FER: variants seen among roughly 807,000 people sequenced by gnomAD.
FER encodes the protein tyrosine-protein kinase Fer.
Under a neutral mutation model 111.0 loss-of-function variants are expected in FER, and 63 were observed. The observed-to-expected ratio is 0.57, with a 90% CI of 0.46 to 0.70. The LOEUF is 0.70. Among genes scored for constraint, FER ranks in the 30% least tolerant of loss-of-function variants. FER has a pLI of 0.00. For synonymous variants in FER, 327 were observed against 313.9 expected (o/e 1.04, Z -0.44); for missense variants, 914 against 954.0 (o/e 0.96, Z 0.55).
intron 10 of FER, among the ~76,000 whole-genome samples, chr5:108,942,652 A>C (rs1156838443): frequency 3.3e-5 from 5 of 152,192 alleles, no homozygotes; most frequent in Non-Finnish European, 5.9e-5. Flanking sequence ...TGTGCCCAGC[A>C]AATCAGCATT....
At chr5:108,850,067 C>T (rs374947082) in intron 5 of FER, among the ~76,000 whole-genome samples, 41 of 151,844 alleles carry the variant, frequency 2.7e-4, no homozygotes, top group African/African-American at 6.0e-4. Flanking sequence ...TGGTGGTGCG[C>T]GCCTGTAGTC....
chr5:108,896,229 G>T (rs545330749), intron 9 of FER, among the ~76,000 whole-genome samples: 1 of 151,772 alleles, frequency 6.6e-6, no homozygotes, highest in Non-Finnish European at 1.5e-5. Context: ...GTACATAATG[G>T]GTGCAGTCTT....
At chr5:108,982,994 A>G (rs1403112087) in intron 13 of FER, among the ~76,000 whole-genome samples, 1 of 152,104 alleles carries the variant, frequency 6.6e-6, no homozygotes, top group African/African-American at 2.4e-5. Flanking sequence ...TACTACTAAT[A>G]TACTAATACC....
chr5:109,116,426 CAA>C (rs199831249), intron 17 of FER, among the ~76,000 whole-genome samples: 176 of 126,856 alleles, frequency 1.4e-3, no homozygotes, highest in Non-Finnish European at 1.4e-3. Flanking sequence ...TTCCCCCCGC[CAA>C]AAAAAAAAAA....
At chr5:109,074,179 A>G (rs1490998306) in intron 16 of FER, among the ~76,000 whole-genome samples, 1 of 152,214 alleles carries the variant, frequency 6.6e-6, no homozygotes, top group Admixed American at 6.5e-5. Context: ...TGATATCACC[A>G]TAGTTCTTTA....
At chr5:108,882,415 A>T (rs1320068369) in intron 8 of FER, among the ~76,000 whole-genome samples, 1 of 152,044 alleles carries the variant, frequency 6.6e-6, no homozygotes, top group Non-Finnish European at 1.5e-5. Flanking sequence ...CTTATTGATC[A>T]TTTAATTTTT....
At chr5:108,975,450 A>T (rs1293681489) in intron 13 of FER, among the ~76,000 whole-genome samples, 1 of 152,196 alleles carries the variant, frequency 6.6e-6, no homozygotes, top group East Asian at 1.9e-4. Flanking sequence ...AAGCTACTAA[A>T]TATATGACAA....
intron 10 of FER, among the ~76,000 whole-genome samples, chr5:108,922,408 G>T (rs968709150): frequency 1.3e-5 from 2 of 152,142 alleles, no homozygotes; most frequent in Admixed American, 1.3e-4. Context: ...AGCAAAACCA[G>T]TGAGTACAGA....
At chr5:109,154,168 T>C (rs1295270794) in intron 17 of FER, among the ~76,000 whole-genome samples, 1 of 151,846 alleles carries the variant, frequency 6.6e-6, no homozygotes, top group Non-Finnish European at 1.5e-5. Flanking sequence ...AGAAAACAAG[T>C]GTAACAGATG....
chr5:108,762,050 ATAGGTGTGTGCCTC>A (rs1751815818), intron 1 of FER, among the ~76,000 whole-genome samples: 2 of 152,118 alleles, frequency 1.3e-5, no homozygotes, highest in African/African-American at 4.8e-5. Context: ...AGCTGGGACT[ATAGGTGTGTGCCTC>A]CACACCTGGC....
intron 13 of FER, among the ~76,000 whole-genome samples, chr5:108,992,168 T>A (rs1010549770): frequency 9.2e-5 from 14 of 152,180 alleles, no homozygotes; most frequent in African/African-American, 3.4e-4. Context: ...ACACAGCACA[T>A]GTTTCAGAGA....
intron 13 of FER, among the ~76,000 whole-genome samples, chr5:108,992,382 G>A (rs1187657773): frequency 1.3e-5 from 2 of 152,288 alleles, no homozygotes; most frequent in Middle Eastern, 3.4e-3. Context: ...TTCTCAATGA[G>A]CTGTTGGGTA....
At chr5:109,064,160 G>C (rs1774796570) in intron 16 of FER, among the ~76,000 whole-genome samples, 1 of 152,134 alleles carries the variant, frequency 6.6e-6, no homozygotes, top group African/African-American at 2.4e-5. Context: ...GTTTAAACTG[G>C]CCATTCCTGC....
Position 109,041,383 on chromosome 5 carries a change from C to T in FER, c.1714-3297C>T, listed in dbSNP as rs79331971. ...GGAGGAGAATATAATAAAAGAATGA[C>T]GTAAAAAGTGATAGAACCGAAAGAT... On this transcript the variant is annotated intron_variant, in intron 14 of 19. Coordinates refer to ENST00000281092, the MANE Select transcript of FER (RefSeq NM_005246.4). 5.6e-4 allele frequency among the ~76,000 whole-genome samples: 85 copies of T among 150,902 alleles called. 1 individual carries two copies. Among genetic ancestry groups the T allele is most frequent in the East Asian group, 3.7e-3 (19 of 5,124 alleles).
At chr5:108,932,644 G>A (rs1485056975) in intron 10 of FER, among the ~76,000 whole-genome samples, 1 of 151,998 alleles carries the variant, frequency 6.6e-6, no homozygotes, top group East Asian at 1.9e-4. Flanking sequence ...ACCAACAGTG[G>A]AGAAACGTGT....
chr5:109,051,736 C>G lies in FER; in HGVS notation c.1924+4538C>G, dbSNP rs569580453. 3 of 1,570,816 alleles carry G rather than the reference C, an allele frequency of 1.9e-6. No individual in the cohort carries two copies. In the African/African-American group the frequency reaches 4.1e-5, roughly 21 times the overall value. ...GGTCGCATGGTAAGGGTCGCTCTTTCCCTTAACCCAATCCTTAACGCCCTT... is the reference window on the plus strand; with the variant it reads ...GGTCGCATGGTAAGGGTCGCTCTTTGCCTTAACCCAATCCTTAACGCCCTT... On this transcript the variant is annotated intron_variant, in intron 16 of 19. Transcript: ENST00000281092.
At position 109,189,899 on chromosome 5, in the gene FER, C is replaced by G. The variant is rs1759256889; in HGVS notation, c.*2324C>G. 6.6e-6 allele frequency: 1 copy of G among 152,118 alleles called. No homozygotes were observed. The highest frequency in any genetic ancestry group is 2.1e-4 in the South Asian group (1 of 4,828). 9.4% of individuals were successfully genotyped at this position (152,118 alleles called of 1,614,324 possible). On this transcript the variant is annotated 3_prime_UTR_variant, in exon 20 of 20. Transcript: ENST00000281092. ...TTGCAGTTCACATCATTACTCTGTG[C>G]TTAAATTTAAAAAGCTTTTCAAAAC...
chr5:108,812,393 G>T (rs150435871), intron 3 of FER, among the ~76,000 whole-genome samples: 1 of 152,150 alleles, frequency 6.6e-6, no homozygotes, highest in African/African-American at 2.4e-5. Flanking sequence ...ATATAACCAC[G>T]CTGGGTTTCA....
chr5:109,148,579 C>T (rs1326035191), intron 17 of FER, among the ~76,000 whole-genome samples: 1 of 152,116 alleles, frequency 6.6e-6, no homozygotes, highest in Non-Finnish European at 1.5e-5. Context: ...GTGTGGGACA[C>T]TGGGATACTA....
Sources: gnomAD v4.1 joint callset for allele counts (sites outside exome capture counted in the v4.1 genomes callset) on GRCh38, gnomAD v4.1.1 for gene constraint, MANE v1.5 for transcripts, NCBI Gene and HGNC (gene_info 2026-07-23, HGNC 2026-07-21) for gene names.